Variants in RHD observed in about 807,000 individuals in gnomAD.
RHD encodes the protein blood group Rh(D) polypeptide.
RHD carries 16 observed loss-of-function variants against 45.5 expected under a neutral mutation model. The observed-to-expected ratio is 0.35, with a 90% CI of 0.24 to 0.53. The LOEUF (loss-of-function observed/expected upper bound fraction) is 0.53, where lower values mean the gene tolerates loss of function less well. Among genes scored for constraint, RHD ranks in the 20% least tolerant of loss-of-function variants. The pLI, the probability that RHD is intolerant of heterozygous loss-of-function variation, is 0.92. For missense variants in RHD, 306 were observed against 532.0 expected (o/e 0.58, Z 4.18); for synonymous variants, 131 against 217.5 (o/e 0.60, Z 3.50).
At chr1:25,282,719 G>T (rs1338738926) in intron 1 of RHD, among the ~76,000 whole-genome samples, 1 of 131,416 alleles carries the variant, frequency 7.6e-6, no homozygotes, top group Non-Finnish European at 1.8e-5. Flanking sequence ...GAGGTCAGGA[G>T]TTCGAGACCA....
Position 25,301,637 on chromosome 1 carries a change from C to G in RHD, c.752C>G (p.Thr251Arg). 1 of 1,380,424 alleles carries G rather than the reference C, an allele frequency of 7.2e-7. No individual in the cohort carries two copies. Among genetic ancestry groups the G allele is most frequent in the Non-Finnish European group, 1.0e-6 (1 of 979,294 alleles). 85.5% of individuals were successfully genotyped at this position (1,380,424 alleles called of 1,614,324 possible). ...TATGCTGTAGCAGTCAGCGTGGTGA[C>G]AGCCATCTCAGGGTCATCCTTGGCT... ...TYYAVAVSVV[T>R]AISGSSLAHP... The change falls in exon 5 of 10, where the codon ACA becomes AGA. Residue 251 changes from threonine (T) to arginine (R), a missense_variant. By Grantham distance (71) the Thr-to-Arg change is moderately conservative (BLOSUM62 -1). Coordinates refer to ENST00000328664, the MANE Select transcript of RHD (RefSeq NM_016124.6).
chr1:25,297,096 C>G lies in RHD; in HGVS notation c.487-3850C>G, dbSNP rs1173855631. ...TATTTTTTGTGGTCGAGGATTACAT[C>G]TTGCATTTAGTTCTCATGTCTTATT... On this transcript the variant is annotated intron_variant, in intron 3 of 9. Transcript: ENST00000328664. 2.4e-5 allele frequency among the ~76,000 whole-genome samples: 3 copies of G among 123,568 alleles called. 1 individual carries two copies. Among genetic ancestry groups the G allele is most frequent in the Non-Finnish European group, 5.7e-5 (3 of 52,984 alleles). 81.1% of individuals were successfully genotyped at this position (123,568 alleles called of 152,430 possible).
chr1:25,289,165 T>C (rs397739067), intron 2 of RHD, among the ~76,000 whole-genome samples: 2 of 132,450 alleles, frequency 1.5e-5, no homozygotes, highest in East Asian at 2.0e-4. Flanking sequence ...GGATACTGAA[T>C]GGTGAGCTAG....
rs201345482 is a variant in RHD, at chr1:25,321,912, T to C, written c.1177T>C (p.Trp393Arg). Residue 393 changes from tryptophan to arginine, a missense_variant, in exon 9 of 10, where the codon TGG (tryptophan) becomes CGG (arginine). Transcript: ENST00000328664. ...AGGTTTGCTCCTAAATCTTAAAATA[T>C]GGAAAGCACCTCATGAGGCTAAATA... ...LTGLLLNLKI[W>R]KAPHEAKYFD... The C allele has an allele frequency of 3.1e-5, 41 of 1,331,308 alleles. 7 individuals carry two copies. The highest frequency in any genetic ancestry group is 3.5e-5 in the Non-Finnish European group (33 of 936,672). The allele number at this position is 1,331,308 out of a possible 1,614,324, so 82.5% of individuals were successfully genotyped here.
At chr1:25,278,985 G>A (rs1641246429) in intron 1 of RHD, among the ~76,000 whole-genome samples, 1 of 129,634 alleles carries the variant, frequency 7.7e-6, no homozygotes, top group Admixed American at 7.5e-5. Context: ...GAGTGAAGCT[G>A]GGTGTGACTT....
chr1:25,305,112 T>C lies in RHD; in HGVS notation c.940-1484T>C, dbSNP rs1370382869. Reference sequence around the variant, plus strand: ...CATCTGAGCTAGCCTGGGATGGGTCTGGAAATGCTTCCTGGAGCAGAGGAA... The same window carrying C: ...CATCTGAGCTAGCCTGGGATGGGTCCGGAAATGCTTCCTGGAGCAGAGGAA... On this transcript the variant is annotated intron_variant, in intron 6 of 9. Transcript: ENST00000328664. Among the ~76,000 whole-genome samples, 3 of 132,364 alleles carry C rather than the reference T, an allele frequency of 2.3e-5. 1 individual carries two copies. Among genetic ancestry groups the C allele is most frequent in the East Asian group, 1.9e-4 (1 of 5,148 alleles). 86.8% of individuals were successfully genotyped at this position (132,364 alleles called of 152,430 possible).
intron 7 of RHD, among the ~76,000 whole-genome samples, chr1:25,315,501 C>CTTTTT (rs1189263980): frequency 8.8e-6 from 1 of 114,122 alleles, no homozygotes; most frequent in African/African-American, 3.0e-5. Flanking sequence ...TTCTTTCTTT[C>CTTTTT]TTTTTTTTTT....
At position 25,293,694 on chromosome 1, in the gene RHD, G is replaced by T. The variant is rs1417669764; in HGVS notation, c.486+2903G>T. Among the ~76,000 whole-genome samples the T allele has an allele frequency of 1.5e-5, 2 of 131,238 alleles. 1 individual carries two copies. The highest frequency in any genetic ancestry group is 1.5e-4 in the Admixed American group (2 of 13,478). 86.1% of individuals were successfully genotyped at this position (131,238 alleles called of 152,430 possible). On this transcript the variant is annotated intron_variant, in intron 3 of 9. Coordinates refer to ENST00000328664, the MANE Select transcript of RHD (RefSeq NM_016124.6). The stretch of plus-strand genomic sequence containing the variant: ...TAGTATATGTAACCATCAGTAGGTG[G>T]TATCTACTGACTAGAGAGGGAAGTT...
At position 25,276,532 on chromosome 1, in the gene RHD, T is replaced by TAAAAAAAAAAAAAAAAAAAAAAAAAA. The variant is rs557746335; in HGVS notation, c.148+3860_148+3861insAAAAAAAAAAAAAAAAAAAAAAAAAA. Among the ~76,000 whole-genome samples the TAAAAAAAAAAAAAAAAAAAAAAAAAA allele has an allele frequency of 2.0e-4, 13 of 64,782 alleles. 1 individual carries two copies. Among genetic ancestry groups the TAAAAAAAAAAAAAAAAAAAAAAAAAA allele is most frequent in the African/African-American group, 7.9e-4 (11 of 13,864 alleles). 42.5% of individuals were successfully genotyped at this position (64,782 alleles called of 152,430 possible). ...ACATAGGGAGACCCCCCCCCATCTCTAAAAAAAAAAAAAAAAAAAAAAACT... is the reference window on the plus strand; with the variant it reads ...ACATAGGGAGACCCCCCCCCATCTCTAAAAAAAAAAAAAAAAAAAAAAAAAAAAAAAAAAAAAAAAAAAAAAAAACT... On this transcript the variant is annotated intron_variant, in intron 1 of 9. Transcript: ENST00000328664.
intron 7 of RHD, among the ~76,000 whole-genome samples, chr1:25,313,292 G>A (rs1571722300): frequency 7.6e-6 from 1 of 131,816 alleles, no homozygotes; most frequent in African/African-American, 2.6e-5. Flanking sequence ...GCATGTTCTT[G>A]GACTTCCCAG....
Position 25,328,906 on chromosome 1 carries a change from T to C in RHD, c.1236T>C (p.His412=), listed in dbSNP as rs1389606912. ...TTGTTTTGCTTTTACAGTTTCCTCA[T>C]TTGGCTGTTGGATTTTAAGCAAAAG... is the stretch of plus-strand genomic sequence containing the variant. ...FDDQVFWKFP[H]LAVGF The change falls in exon 10 of 10, where the codon CAT becomes CAC. Residue 412 remains histidine (H), a synonymous_variant. Coordinates refer to ENST00000328664, the MANE Select transcript of RHD (RefSeq NM_016124.6). The C allele has an allele frequency of 4.0e-6, 5 of 1,239,178 alleles. 2 individuals are homozygous for C. Among genetic ancestry groups the C allele is most frequent in the Non-Finnish European group, 5.8e-6 (5 of 859,878 alleles). The allele number at this position is 1,239,178 out of a possible 1,614,324, so 76.8% of individuals were successfully genotyped here.
In RHD at chr1:25,314,494, CCTT is replaced by C. The variant is rs567167537; in HGVS notation, c.1074-2502_1074-2500del. Among the ~76,000 whole-genome samples, 785 of 132,062 alleles carry C rather than the reference CCTT, an allele frequency of 5.9e-3. 110 individuals carry two copies. Among genetic ancestry groups the C allele is most frequent in the African/African-American group, 0.019 (734 of 38,836 alleles). The allele number at this position is 132,062 out of a possible 152,430, so 86.6% of individuals were successfully genotyped here. The stretch of plus-strand genomic sequence containing the variant: ...ATCCCACTTTGTGCGTTACCTTTTT[CCTT>C]CTTTCTTTCTTTTTGAAACAGAGTC... On this transcript the variant is annotated intron_variant, in intron 7 of 9. Transcript: ENST00000328664.
rs1484127214 is a variant in RHD at position 25,286,781 on chromosome 1, G to A, written c.335+2022G>A. Among the ~76,000 whole-genome samples the A allele has an allele frequency of 3.9e-4, 50 of 129,788 alleles. 8 individuals carry two copies. The highest frequency in any genetic ancestry group is 1.3e-3 in the African/African-American group (48 of 36,164). 85.1% of individuals were successfully genotyped at this position (129,788 alleles called of 152,430 possible). On this transcript the variant is annotated intron_variant, in intron 2 of 9. Transcript: ENST00000328664. ...AGCCTGGGTGACAGAGCGAGACTCC[G>A]TCTCAAAAAAAAAAAACAAAAACAG...
intron 6 of RHD, among the ~76,000 whole-genome samples, chr1:25,305,209 A>G (rs1402154354): frequency 1.5e-5 from 2 of 130,236 alleles, no homozygotes; most frequent in Non-Finnish European, 3.6e-5. Flanking sequence ...TATTCCAGGC[A>G]GAAGGCACAG....
chr1:25,296,240 TTTC>T (rs1642945738), intron 3 of RHD, among the ~76,000 whole-genome samples: 1 of 125,752 alleles, frequency 8.0e-6, no homozygotes, highest in South Asian at 2.4e-4. Context: ...TCAGTGTACA[TTTC>T]TTTTTTTTTT....
intron 3 of RHD, among the ~76,000 whole-genome samples, chr1:25,300,593 T>C (rs1172479330): frequency 2.3e-5 from 3 of 129,858 alleles, no homozygotes; most frequent in Non-Finnish European, 5.4e-5. Flanking sequence ...GTGGATCGCC[T>C]GAGGTCAGGA....
chr1:25,280,446 C>T (rs1641381978), intron 1 of RHD, among the ~76,000 whole-genome samples: 1 of 128,446 alleles, frequency 7.8e-6, no homozygotes, highest in South Asian at 2.4e-4. Context: ...GCTGGGATTA[C>T]AGGCATGCGC....
At chr1:25,318,537 G>A (rs1644530567) in intron 8 of RHD, among the ~76,000 whole-genome samples, 2 of 131,346 alleles carry the variant, frequency 1.5e-5, no homozygotes, top group East Asian at 2.0e-4. Flanking sequence ...ATAGTGAGTC[G>A]AGGTTGCACC....
rs1308431186 is a variant in RHD at position 25,308,534 on chromosome 1, C to A, written c.1073+1805C>A. ...AAACTGGCTTTCCAAGAAAATAAAG[C>A]CTTGATTGGTAGCACTTGCAATTTC... On this transcript the variant is annotated intron_variant, in intron 7 of 9. Transcript: ENST00000328664. Among the ~76,000 whole-genome samples, 51 of 132,056 alleles carry A rather than the reference C, an allele frequency of 3.9e-4. 15 individuals are homozygous for A. Among genetic ancestry groups the A allele is most frequent in the Middle Eastern group, 8.1e-3 (2 of 246 alleles). 86.6% of individuals were successfully genotyped at this position (132,056 alleles called of 152,430 possible).
Sources: allele counts gnomAD v4.1 joint callset (sites outside exome capture counted in the v4.1 genomes callset), GRCh38; gene constraint gnomAD v4.1.1; transcripts MANE v1.5; gene names NCBI Gene and HGNC (gene_info 2026-07-23, HGNC 2026-07-21).